The following NKAIN2 variants were observed in gnomAD, a reference collection of about 807,000 sequenced individuals.
NKAIN2 encodes the protein sodium/potassium transporting ATPase interacting 2.
A neutral mutation model predicts 32.6 loss-of-function variants in NKAIN2; 14 were observed. That is an observed-to-expected ratio of 0.43 (90% CI 0.28 to 0.67). NKAIN2 has a LOEUF of 0.67. Among genes scored for constraint, NKAIN2 ranks in the 30% least tolerant of loss-of-function variants. NKAIN2 has a pLI of 0.17. For synonymous variants in NKAIN2, 80 were observed against 87.2 expected, an observed-to-expected ratio of 0.92 and a Z score of 0.46; for missense variants, 198 against 258.3, an observed-to-expected ratio of 0.77 and a Z score of 1.60.
intron 1 of NKAIN2, among the ~76,000 whole-genome samples, chr6:124,078,288 C>CTAG (rs1243978227): frequency 6.6e-6 from 1 of 151,864 alleles, no homozygotes; most frequent in African/African-American, 2.4e-5. Context: ...AAGATTTGGC[C>CTAG]TAGCTGAAAA....
chr6:123,930,411 A>G (rs1483742739), intron 1 of NKAIN2, among the ~76,000 whole-genome samples: 2 of 152,158 alleles, frequency 1.3e-5, no homozygotes, highest in African/African-American at 2.4e-5. Flanking sequence ...GATAGAACAT[A>G]TGATAATCTT....
chr6:124,492,545 A>G (rs932393112), intron 3 of NKAIN2, among the ~76,000 whole-genome samples: 2 of 151,922 alleles, frequency 1.3e-5, no homozygotes, highest in Non-Finnish European at 1.5e-5. Context: ...TATTAGCACC[A>G]TTAGGACTAA....
chr6:124,505,269 G>A (rs1345711263), intron 3 of NKAIN2, among the ~76,000 whole-genome samples: 1 of 152,214 alleles, frequency 6.6e-6, no homozygotes, highest in Non-Finnish European at 1.5e-5. Flanking sequence ...GTGTAGTGCA[G>A]AATACTCTCC....
At position 123,967,146 on chromosome 6, in the gene NKAIN2, G is replaced by C. The variant is rs1264267192; in HGVS notation, c.54+162892G>C. Among the ~76,000 whole-genome samples, 4 of 152,166 alleles carry C rather than the reference G, an allele frequency of 2.6e-5. No individual in the cohort carries two copies. The East Asian group carries it at 7.7e-4, about 29-fold the overall frequency. On this transcript the variant is annotated intron_variant, in intron 1 of 6. Coordinates refer to ENST00000368417, the MANE Select transcript of NKAIN2 (RefSeq NM_001040214.3). Reference sequence around the variant, plus strand: ...TTTTGCTATGTTTCTAGAAGCACTGGGCACTTTCCTTGTAATTTCCTCAAA... The same window carrying C: ...TTTTGCTATGTTTCTAGAAGCACTGCGCACTTTCCTTGTAATTTCCTCAAA...
At chr6:124,176,633 A>C (rs1011392431) in intron 1 of NKAIN2, among the ~76,000 whole-genome samples, 1 of 152,110 alleles carries the variant, frequency 6.6e-6, no homozygotes, top group Admixed American at 6.5e-5. Flanking sequence ...ATTTATTAAA[A>C]ATAAATAGTA....
intron 3 of NKAIN2, among the ~76,000 whole-genome samples, chr6:124,381,335 A>G: frequency 6.6e-6 from 1 of 152,314 alleles, no homozygotes. Context: ...ATCTATAAAT[A>G]TTCATAGCTA....
At chr6:124,708,503 C>T (rs1775231304) in intron 4 of NKAIN2, among the ~76,000 whole-genome samples, 2 of 152,040 alleles carry the variant, frequency 1.3e-5, no homozygotes, top group African/African-American at 2.4e-5. Context: ...TTGTTTGTAT[C>T]CTCTTTTATT....
At chr6:124,630,692 T>G (rs1783530712) in intron 3 of NKAIN2, among the ~76,000 whole-genome samples, 1 of 152,202 alleles carries the variant, frequency 6.6e-6, no homozygotes, top group Non-Finnish European at 1.5e-5. Context: ...TTTACTCTTT[T>G]TTCTTATTTT....
intron 1 of NKAIN2, among the ~76,000 whole-genome samples, chr6:123,937,673 TA>T (rs1413547812): frequency 6.6e-6 from 1 of 152,086 alleles, no homozygotes; most frequent in Non-Finnish European, 1.5e-5. Context: ...ACTACATAGC[TA>T]GGGACGGCCT....
At chr6:124,586,579 C>T (rs781615945) in intron 3 of NKAIN2, among the ~76,000 whole-genome samples, 3 of 151,730 alleles carry the variant, frequency 2.0e-5, no homozygotes, top group Non-Finnish European at 4.4e-5. Context: ...TGCACAGGGG[C>T]CTTCTGAACC....
rs76740944 is a variant in NKAIN2 at position 124,285,378 on chromosome 6, T to A, written c.192+2236T>A. 4.0e-3 allele frequency among the ~76,000 whole-genome samples: 607 copies of A among 152,244 alleles called. 5 individuals are homozygous for A. The highest frequency in any genetic ancestry group is 0.014 in the African/African-American group (586 of 41,560). On this transcript the variant is annotated intron_variant, in intron 2 of 6. Transcript: ENST00000368417. ...ATAGCACTGTCATCTTTTTTTTGCTTGGAAATCCCCTTAACCAGACCCATA... is the reference window on the plus strand; with the variant it reads ...ATAGCACTGTCATCTTTTTTTTGCTAGGAAATCCCCTTAACCAGACCCATA...
At chr6:124,620,336 G>A (rs1783060675) in intron 3 of NKAIN2, among the ~76,000 whole-genome samples, 1 of 152,072 alleles carries the variant, frequency 6.6e-6, no homozygotes, top group Non-Finnish European at 1.5e-5. Context: ...ATCTATGCAA[G>A]TAATCATAGT....
At chr6:123,986,850 A>G (rs1030168563) in intron 1 of NKAIN2, among the ~76,000 whole-genome samples, 1 of 152,272 alleles carries the variant, frequency 6.6e-6, no homozygotes, top group Admixed American at 6.5e-5. Flanking sequence ...AAGAACTCAG[A>G]ATGAGAGATC....
In NKAIN2 at chr6:124,501,649, C is replaced by T. The variant is rs573976924; in HGVS notation, c.273+146302C>T. Among the ~76,000 whole-genome samples, 202 of 152,198 alleles carry T rather than the reference C, an allele frequency of 1.3e-3. 1 individual carries two copies. The South Asian group carries it at 0.015, about 11-fold the overall frequency. ...CAGATGACTCCACTGCCCACTTAAA[C>T]CTTTTCCATGGCTCTCTATAGCCCT... is the stretch of plus-strand genomic sequence containing the variant. On this transcript the variant is annotated intron_variant, in intron 3 of 6. Coordinates refer to ENST00000368417, the MANE Select transcript of NKAIN2 (RefSeq NM_001040214.3).
chr6:124,518,230 C>T (rs1016460357), intron 3 of NKAIN2, among the ~76,000 whole-genome samples: 1 of 138,508 alleles, frequency 7.2e-6, no homozygotes, highest in South Asian at 2.3e-4. Context: ...ATATAATTGG[C>T]AATATATAAA....
At chr6:124,031,277 C>T (rs9491051) in intron 1 of NKAIN2, among the ~76,000 whole-genome samples, 7,819 of 151,872 alleles carry the variant, frequency 0.051, 675 homozygotes, top group African/African-American at 0.18. Flanking sequence ...TTTTTTATTA[C>T]GTCTATTTGA....
intron 1 of NKAIN2, among the ~76,000 whole-genome samples, chr6:124,051,780 C>G (rs1056453716): frequency 6.6e-6 from 1 of 151,976 alleles, no homozygotes; most frequent in African/African-American, 2.4e-5. Context: ...ATGATGTTAT[C>G]CTTGGTCTCT....
chr6:124,332,770 A>G (rs761953659), intron 2 of NKAIN2, among the ~76,000 whole-genome samples: 7 of 152,214 alleles, frequency 4.6e-5, no homozygotes, highest in African/African-American at 7.2e-5. Flanking sequence ...GTTTGTTGCT[A>G]TCACCACTGT....
At chr6:123,825,096 G>A (rs1408750421) in intron 1 of NKAIN2, among the ~76,000 whole-genome samples, 6 of 152,100 alleles carry the variant, frequency 3.9e-5, no homozygotes, top group Admixed American at 3.9e-4. Flanking sequence ...TTCTAGCTGT[G>A]CCTTCATGTG....
Sources: allele counts gnomAD v4.1 joint callset (sites outside exome capture counted in the v4.1 genomes callset), GRCh38; gene constraint gnomAD v4.1.1; transcripts MANE v1.5; gene names NCBI Gene and HGNC (gene_info 2026-07-23, HGNC 2026-07-21).